Variants in SEC61B observed in about 807,000 individuals in gnomAD.
The protein encoded by SEC61B is SEC61 translocon subunit beta, also known as protein transport protein Sec61 subunit beta.
A neutral mutation model predicts 12.6 loss-of-function variants in SEC61B; 7 were observed. The observed-to-expected ratio is 0.55, with a 90% confidence interval of 0.32 to 1.04. SEC61B has a LOEUF of 1.04. Ranked by LOEUF, SEC61B falls within the 50% of genes least tolerant of loss-of-function variation. SEC61B has a pLI of 0.05. For missense variants in SEC61B, 107 were observed against 130.1 expected (o/e 0.82, Z 0.86); for synonymous variants, 54 against 50.1 (o/e 1.08, Z -0.33).
At chr9:99,222,744 G>A (rs1360201745) in intron 2 of SEC61B, 101 bp downstream of exon 2, 3 of 820,820 alleles carry the variant, frequency 3.7e-6, no homozygotes, top group Admixed American at 6.4e-5. Context: ...ATTGACAAAG[G>A]CAAAATGAGC....
Position 99,222,569 on chromosome 9 carries a change from T to A in SEC61B, c.27T>A (p.Thr9=). 1 of 1,571,302 alleles carries A rather than the reference T, an allele frequency of 6.4e-7. No homozygotes were observed. The highest frequency in any genetic ancestry group is 8.6e-7 in the Non-Finnish European group (1 of 1,158,518). The change falls in exon 2 of 4, where the codon ACT becomes ACA. Residue 9 remains threonine, a synonymous_variant. Coordinates refer to ENST00000223641, the MANE Select transcript of SEC61B (RefSeq NM_006808.3). ...AGCCTGGTCCGACCCCCAGTGGCAC[T>A]AACGTGGGATCCTCAGGGCGCTCTC... The part of the protein sequence containing the change: MPGPTPSG[T]NVGSSGRSPS...
intron 3 of SEC61B, among the ~76,000 whole-genome samples, chr9:99,229,863 C>T (rs1828939243): frequency 6.6e-6 from 1 of 152,010 alleles, no homozygotes; most frequent in African/African-American, 2.4e-5. Flanking sequence ...AGTTGTTTTA[C>T]AATATACAAT....
At chr9:99,227,329 A>C (rs1828911027) in intron 2 of SEC61B, among the ~76,000 whole-genome samples, 1 of 151,628 alleles carries the variant, frequency 6.6e-6, no homozygotes, top group African/African-American at 2.4e-5. Flanking sequence ...AATTTTTTAT[A>C]AAGTGTATAC....
chr9:99,223,203 T>G (rs537033876), intron 2 of SEC61B: 1 of 152,354 alleles, frequency 6.6e-6, no homozygotes, highest in African/African-American at 2.4e-5. Flanking sequence ...CTTTTCCCTT[T>G]CTACTGCTTT....
intron 2 of SEC61B, among the ~76,000 whole-genome samples, chr9:99,224,894 T>G (rs1341275033): frequency 2.0e-5 from 3 of 152,234 alleles, no homozygotes; most frequent in Non-Finnish European, 1.5e-5. Flanking sequence ...TTCTCCATGC[T>G]TGATGAGGTG....
chr9:99,227,143 G>C (rs946695454), intron 2 of SEC61B, among the ~76,000 whole-genome samples: 1 of 151,862 alleles, frequency 6.6e-6, no homozygotes. Context: ...GCGCACGCCT[G>C]TAATCCCAGC....
At position 99,222,639 on chromosome 9, in the gene SEC61B, C is replaced by T; in HGVS notation, c.97C>T (p.Gln33Ter). 1.9e-6 allele frequency: 3 copies of T among 1,542,332 alleles called. No individual in the cohort carries two copies. Among genetic ancestry groups the T allele is most frequent in the Non-Finnish European group, 2.6e-6 (3 of 1,143,256 alleles). Reference sequence around the variant, plus strand: ...CCGGGCGGCGGGATCCACTGTCCGGCAGAGGTAAGGAACCCTGCAGTTCGT... The same window carrying T: ...CCGGGCGGCGGGATCCACTGTCCGGTAGAGGTAAGGAACCCTGCAGTTCGT... ...AARAAGSTVR[Q>*]RKNASCGTRS... The change falls in exon 2 of 4, where the codon CAG becomes TAG. Residue 33 changes from glutamine to a stop codon, truncating the protein, a stop_gained. Coordinates refer to ENST00000223641, the MANE Select transcript of SEC61B (RefSeq NM_006808.3). LOFTEE classifies it high-confidence loss of function.
chr9:99,222,708 TG>T (rs965860756), intron 2 of SEC61B, 65 bp downstream of exon 2: 3 of 1,124,988 alleles, frequency 2.7e-6, no homozygotes, highest in African/African-American at 3.1e-5. Flanking sequence ...TCGCTGATTC[TG>T]GGGTGGAGAC....
At chr9:99,222,438 C>T (rs1252906300) in intron 1 of SEC61B, 72 bp downstream of exon 1, 12 of 1,610,914 alleles carry the variant, frequency 7.4e-6, no homozygotes, top group East Asian at 2.2e-5. Context: ...CCGTGCTTTT[C>T]CTCTGTAGCT....
At chr9:99,225,966 G>T (rs1828889122) in intron 2 of SEC61B, among the ~76,000 whole-genome samples, 1 of 152,194 alleles carries the variant, frequency 6.6e-6, no homozygotes, top group African/African-American at 2.4e-5. Context: ...CAAGGAGGAA[G>T]ATTTCAGCTG....
chr9:99,224,493 GAAATA>G (rs1344500546), intron 2 of SEC61B, among the ~76,000 whole-genome samples: 1 of 152,058 alleles, frequency 6.6e-6, no homozygotes, highest in African/African-American at 2.4e-5. Flanking sequence ...AATTTGTAAA[GAAATA>G]AAAGAAAAAG....
At chr9:99,224,525 G>A (rs1828874697) in intron 2 of SEC61B, among the ~76,000 whole-genome samples, 1 of 152,160 alleles carries the variant, frequency 6.6e-6, no homozygotes, top group African/African-American at 2.4e-5. Flanking sequence ...TTTATCAAAT[G>A]TACATATGAT....
rs1828843325 is a variant in SEC61B at position 99,222,662 on chromosome 9, C to T, written c.101+19C>T. The T allele has an allele frequency of 2.0e-6, 3 of 1,483,746 alleles. No individual in the cohort carries two copies. The highest frequency in any genetic ancestry group is 2.2e-5 in the Admixed American group (1 of 45,278). 91.9% of individuals were successfully genotyped at this position (1,483,746 alleles called of 1,614,324 possible). A position where few individuals can be genotyped will look rare whatever the true frequency, so the allele number is the denominator to read the frequency against. On this transcript the variant is annotated intron_variant, in intron 2 of 3. Coordinates refer to ENST00000223641, the MANE Select transcript of SEC61B (RefSeq NM_006808.3). ...GGCAGAGGTAAGGAACCCTGCAGTTCGTTCGCTTCCAGACTCGGAGATAGG... is the reference window on the plus strand; with the variant it reads ...GGCAGAGGTAAGGAACCCTGCAGTTTGTTCGCTTCCAGACTCGGAGATAGG...
intron 3 of SEC61B, among the ~76,000 whole-genome samples, chr9:99,230,020 A>G (rs1291907085): frequency 6.6e-6 from 1 of 152,164 alleles, no homozygotes; most frequent in Non-Finnish European, 1.5e-5. Context: ...TTTTTATTTG[A>G]GAAGACAACA....
At chr9:99,229,165 T>A (rs1036130498) in intron 3 of SEC61B, among the ~76,000 whole-genome samples, 3 of 152,224 alleles carry the variant, frequency 2.0e-5, no homozygotes, top group Admixed American at 2.0e-4. Flanking sequence ...TTATAAAGCC[T>A]TCCCTGGAAT....
chr9:99,228,031 G>A (rs1365995341), intron 3 of SEC61B, 31 bp downstream of exon 3: 4 of 1,550,312 alleles, frequency 2.6e-6, no homozygotes, highest in South Asian at 1.1e-5. Flanking sequence ...TTGTGTTTCT[G>A]TCCAGTGGCA....
chr9:99,230,086 G>A (rs79907397), intron 3 of SEC61B, among the ~76,000 whole-genome samples: 1 of 152,110 alleles, frequency 6.6e-6, no homozygotes, highest in East Asian at 1.9e-4. Context: ...ATTTGTATAT[G>A]TTTTGGTATG....
chr9:99,229,642 A>C (rs1202902583), intron 3 of SEC61B, among the ~76,000 whole-genome samples: 1 of 152,134 alleles, frequency 6.6e-6, no homozygotes, highest in Non-Finnish European at 1.5e-5. Flanking sequence ...TCTGTAGCCC[A>C]TTGCTCTTCA....
In SEC61B at chr9:99,227,943, C is replaced by T. The variant is rs1472206582; in HGVS notation, c.146C>T (p.Ser49Leu). 1.2e-6 allele frequency: 2 copies of T among 1,613,956 alleles called. No homozygotes were observed. Among genetic ancestry groups the T allele is most frequent in the Non-Finnish European group, 1.7e-6 (2 of 1,180,002 alleles). ...CGTRSAGRTT[S>L]AGTGGMWRFY... Reference sequence around the variant, plus strand: ...ACAAGGAGTGCAGGCCGCACAACCTCGGCAGGCACCGGGGGGATGTGGCGA... The same window carrying T: ...ACAAGGAGTGCAGGCCGCACAACCTTGGCAGGCACCGGGGGGATGTGGCGA... The change falls in exon 3 of 4, where the codon TCG (serine) becomes TTG (leucine). Residue 49 changes from serine to leucine, a missense_variant. Transcript: ENST00000223641.
Sources: gnomAD v4.1 joint callset for allele counts (sites outside exome capture counted in the v4.1 genomes callset) on GRCh38, gnomAD v4.1.1 for gene constraint, MANE v1.5 for transcripts, NCBI Gene and HGNC (gene_info 2026-07-23, HGNC 2026-07-21) for gene names.